Variants in RGL3 observed in about 807,000 individuals in gnomAD.
RGL3 encodes ral guanine nucleotide dissociation stimulator-like 3.
Under a neutral mutation model 90.6 loss-of-function variants are expected in RGL3, and 85 were observed. That is an observed-to-expected ratio of 0.94 (90% CI 0.79 to 1.12). The LOEUF (loss-of-function observed/expected upper bound fraction) is 1.12. Ranked by LOEUF, RGL3 falls within the 50% of genes most tolerant of loss-of-function variation. RGL3 has a pLI of 0.00. For synonymous variants in RGL3, 408 were observed against 385.5 expected (o/e 1.06, Z -0.68); for missense variants, 1,034 against 939.2 (o/e 1.10, Z -1.32).
chr19:11,417,855 T>C (rs1053281051), intron 2 of RGL3, among the ~76,000 whole-genome samples: 1 of 151,888 alleles, frequency 6.6e-6, no homozygotes, highest in Non-Finnish European at 1.5e-5. Context: ...AAACAGGTCT[T>C]GTTTTGTTGC....
At chr19:11,399,979 G>A in intron 15 of RGL3, 28 bp from the exon 16 acceptor site, 3 of 1,575,924 alleles carry the variant, frequency 1.9e-6, no homozygotes, top group African/African-American at 1.4e-5. Context: ...GCTGAGGTGG[G>A]GTGGCTGTGC....
At chr19:11,397,126 C>A in intron 18 of RGL3, 118 bp downstream of exon 18, 1 of 769,302 alleles carries the variant, frequency 1.3e-6, no homozygotes. Context: ...CTACTCTCTG[C>A]CTGAAGCACC....
rs201989374 is a variant in RGL3, at chr19:11,405,338, C to G, written c.1085G>C (p.Trp362Ser). 110 of 1,613,206 alleles carry G rather than the reference C, an allele frequency of 6.8e-5. No homozygotes were observed. The highest frequency in any genetic ancestry group is 9.0e-5 in the Non-Finnish European group (106 of 1,179,752). Residue 362 changes from tryptophan (W) to serine (S), a missense_variant, in exon 8 of 19, where the codon TGG becomes TCG. Transcript: ENST00000380456. ...CCCAGCTCACCGGCTCACTGCCCCC[C>G]AGCTGCGCTTGAGCCGGTAGATGGG... is the stretch of plus-strand genomic sequence containing the variant. ...SNPIYRLKRS[W>S]GAVSREPLST...
rs1163166146 is a variant in RGL3 at position 11,416,988 on chromosome 19, G to A, written c.219C>T (p.Arg73=). 7 of 1,613,990 alleles carry A rather than the reference G, an allele frequency of 4.3e-6. No individual in the cohort carries two copies. The highest frequency in any genetic ancestry group is 5.9e-6 in the Non-Finnish European group (7 of 1,179,976). The change falls in exon 3 of 19, where the codon CGC becomes CGT. Residue 73 remains arginine, a synonymous_variant. Transcript: ENST00000380456. ...TSKVRVLRAA[R]LERLVGELVF... is the part of the protein sequence containing the mutation. ...CCAACTCTCCCACCAGCCGCTCCAG[G>A]CGCGCTGCCCTCAGCACCCTCACCT...
chr19:11,417,895 G>A lies in RGL3; in HGVS notation c.147+776C>T, dbSNP rs370728580. ...GCTGGGGTGCAGTGGCACAATCATA[G>A]CTCACTGCAGCCTCCAAGTCCTAGA... On this transcript the variant is annotated intron_variant, in intron 2 of 18. Transcript: ENST00000380456. Among the ~76,000 whole-genome samples the A allele has an allele frequency of 1.1e-4, 17 of 152,238 alleles. No individual in the cohort carries two copies. The East Asian group carries it at 1.9e-3, about 17-fold the overall frequency.
chr19:11,406,273 C>G (rs900241956), intron 7 of RGL3, 146 bp downstream of exon 7: 1 of 821,128 alleles, frequency 1.2e-6, no homozygotes, highest in Admixed American at 2.6e-5. Flanking sequence ...ACCCTCCTCC[C>G]TGAACCCAAG....
In RGL3 at chr19:11,418,863, G is replaced by A. The variant is rs1322175812; in HGVS notation, c.34-79C>T. 2.6e-6 allele frequency: 3 copies of A among 1,160,328 alleles called. 1 individual carries two copies. The highest frequency in any genetic ancestry group is 3.1e-5 in the South Asian group (2 of 65,464). The allele number at this position is 1,160,328 out of a possible 1,614,324, so 71.9% of individuals were successfully genotyped here. A position where few individuals can be genotyped will look rare whatever the true frequency, so the allele number is the denominator to read the frequency against. ...AGCCTCCTTGGCCGCTCGGACTCGG[G>A]CCGAGTCCTCCTGCTGCATCCCCAC... is the stretch of plus-strand genomic sequence containing the variant. On this transcript the variant is annotated intron_variant, in intron 1 of 18. Transcript: ENST00000380456.
At chr19:11,402,164 G>GGCCCCCCCCC in intron 12 of RGL3, 32 bp from the exon 13 acceptor site, 1 of 1,585,726 alleles carries the variant, frequency 6.3e-7, no homozygotes, top group Admixed American at 1.7e-5. Flanking sequence ...CCCTACCCCT[G>GGCCCCCCCCC]CCCCACCCCC....
rs991222090 is a variant in RGL3, at chr19:11,406,345, C to G, written c.996+74G>C. 5 of 1,397,000 alleles carry G rather than the reference C, an allele frequency of 3.6e-6. No individual in the cohort carries two copies. The Admixed American group carries it at 6.2e-5, about 17-fold the overall frequency. The allele number at this position is 1,397,000 out of a possible 1,614,324, so 86.5% of individuals were successfully genotyped here. A position where few individuals can be genotyped will look rare whatever the true frequency, so the allele number is the denominator to read the frequency against. ...CCCTCGCCTAGACTCGCCCCTATCT[C>G]TCTCCGGAGCCCTCATTTTTTCCCC... On this transcript the variant is annotated intron_variant, in intron 7 of 18. Transcript: ENST00000380456.
chr19:11,397,847 A>G (rs932074664), intron 16 of RGL3: 105 of 284,628 alleles, frequency 3.7e-4, no homozygotes, highest in Non-Finnish European at 6.1e-4. Flanking sequence ...CGTCTCTACT[A>G]AAAATACAAA....
chr19:11,395,285 C>T (rs531890499), intron 18 of RGL3, among the ~76,000 whole-genome samples: 193 of 152,138 alleles, frequency 1.3e-3, no homozygotes, highest in African/African-American at 4.3e-3. Context: ...CCTGCACGAG[C>T]TTGTGGCCTC....
chr19:11,410,840 G>A (rs1968861903), intron 5 of RGL3, among the ~76,000 whole-genome samples: 1 of 152,026 alleles, frequency 6.6e-6, no homozygotes. Context: ...CAGGAAAAAT[G>A]ACCCATTTTT....
At chr19:11,404,228 G>C (rs958563099) in intron 9 of RGL3, among the ~76,000 whole-genome samples, 2 of 152,142 alleles carry the variant, frequency 1.3e-5, no homozygotes, top group East Asian at 3.9e-4. Flanking sequence ...GTTTCACTCT[G>C]TTAGCCAGGT....
At chr19:11,403,871 T>C (rs539895795) in intron 9 of RGL3, among the ~76,000 whole-genome samples, 2 of 152,026 alleles carry the variant, frequency 1.3e-5, no homozygotes, top group South Asian at 4.1e-4. Context: ...TTTGCTGTTG[T>C]TTACTTACTT....
At chr19:11,414,504 T>TATATATATATATACACCTTC (rs1968954432) in intron 5 of RGL3, among the ~76,000 whole-genome samples, 2 of 96,734 alleles carry the variant, frequency 2.1e-5, no homozygotes, top group Non-Finnish European at 2.0e-5. Flanking sequence ...TATATATATA[T>TATATATATATATACACCTTC]ATATATATAT....
intron 2 of RGL3, 147 bp downstream of exon 2, chr19:11,418,524 C>T: frequency 3.2e-6 from 2 of 626,620 alleles, no homozygotes; most frequent in South Asian, 2.0e-5. Context: ...CCCCCAGTCC[C>T]CTTTCTACCT....
intron 9 of RGL3, among the ~76,000 whole-genome samples, chr19:11,404,848 C>G (rs541907219): frequency 6.6e-6 from 1 of 152,176 alleles, no homozygotes; most frequent in Non-Finnish European, 1.5e-5. Context: ...GTAAAGTCCT[C>G]AGAACATTTT....
intron 14 of RGL3, 43 bp from the exon 15 acceptor site, chr19:11,400,151 C>G (rs752707539): frequency 1.9e-6 from 3 of 1,576,464 alleles, no homozygotes; most frequent in South Asian, 2.3e-5. Context: ...AGGAGCAGCC[C>G]TTGCTGATAT....
Position 11,416,646 on chromosome 19 carries a change from C to A in RGL3, c.393G>T (p.Ala131=). ...PPPGVEIKKT[A]VQDLSFNKNL... ...TCTTGTTGAAGCTCAGATCTTGTACCGCTGTCTTCTTGATCTCTACCCTGG... is the reference window on the plus strand; with the variant it reads ...TCTTGTTGAAGCTCAGATCTTGTACAGCTGTCTTCTTGATCTCTACCCTGG... Residue 131 remains alanine, a synonymous_variant, in exon 4 of 19, where the codon GCG becomes GCT. Coordinates refer to ENST00000380456, the MANE Select transcript of RGL3 (RefSeq NM_001035223.4). The A allele has an allele frequency of 6.2e-7, 1 of 1,614,072 alleles. No individual in the cohort carries two copies. The highest frequency in any genetic ancestry group is 8.5e-7 in the Non-Finnish European group (1 of 1,180,006).
Sources: allele counts gnomAD v4.1 joint callset (sites outside exome capture counted in the v4.1 genomes callset), GRCh38; gene constraint gnomAD v4.1.1; transcripts MANE v1.5; gene names NCBI Gene and HGNC (gene_info 2026-07-23, HGNC 2026-07-21).